The following INTS4 variants were observed in gnomAD, a reference collection of about 807,000 sequenced individuals.
INTS4 encodes the protein MSTP093.
Under a neutral mutation model 119.5 loss-of-function variants are expected in INTS4, and 70 were observed. The ratio of observed to expected loss-of-function variants is 0.59; its 90% confidence interval spans 0.48 to 0.71. The LOEUF is 0.71. Ranked by LOEUF, INTS4 falls within the 30% of genes least tolerant of loss-of-function variation. The probability of loss-of-function intolerance (pLI) is 0.00; values close to 1 mark genes in which losing one functional copy is unlikely to be tolerated. For synonymous variants in INTS4, 316 were observed against 419.6 expected (o/e 0.75, Z 3.02); for missense variants, 867 against 1,173.2 (o/e 0.74, Z 3.81).
At chr11:77,930,717 C>T (rs769720476) in intron 10 of INTS4, among the ~76,000 whole-genome samples, 3 of 152,126 alleles carry the variant, frequency 2.0e-5, no homozygotes, top group Non-Finnish European at 4.4e-5. Context: ...AGGTATGTCA[C>T]GCCTGTAATC....
At chr11:77,945,459 A>G (rs995993127) in intron 8 of INTS4, among the ~76,000 whole-genome samples, 4 of 152,166 alleles carry the variant, frequency 2.6e-5, no homozygotes, top group Non-Finnish European at 1.5e-5. Context: ...AGAACCCGCC[A>G]TCATTCTACC....
At chr11:77,916,176 C>T (rs563847635) in intron 15 of INTS4, among the ~76,000 whole-genome samples, 1 of 152,334 alleles carries the variant, frequency 6.6e-6, no homozygotes, top group East Asian at 1.9e-4. Context: ...GAGCAATAAA[C>T]TTGACTAAGA....
At chr11:77,945,300 T>C (rs1349304489) in intron 8 of INTS4, among the ~76,000 whole-genome samples, 1 of 151,964 alleles carries the variant, frequency 6.6e-6, no homozygotes, top group Non-Finnish European at 1.5e-5. Context: ...GTCTGGAGAG[T>C]AGCCAAGAGA....
At chr11:77,920,228 C>CACATATATATACACACATAT (rs1565244788) in intron 14 of INTS4, among the ~76,000 whole-genome samples, 3 of 15,180 alleles carry the variant, frequency 2.0e-4, no homozygotes, top group African/African-American at 2.1e-4. Flanking sequence ...TACACATATA[C>CACATATATATACACACATAT]ATACATATAT....
intron 8 of INTS4, among the ~76,000 whole-genome samples, 177 bp from the exon 9 acceptor site, chr11:77,941,428 A>T (rs1284260402): frequency 6.6e-6 from 1 of 151,740 alleles, no homozygotes. Context: ...CTAACACCTA[A>T]ATAGAGCTTA....
intron 1 of INTS4, among the ~76,000 whole-genome samples, chr11:77,991,556 A>G (rs1010434697): frequency 5.3e-5 from 8 of 151,406 alleles, no homozygotes; most frequent in Admixed American, 6.6e-5. Flanking sequence ...AAATAGGTAT[A>G]CTTTTTTTTT....
chr11:77,992,536 G>A (rs1480616223), intron 1 of INTS4, among the ~76,000 whole-genome samples: 3 of 152,094 alleles, frequency 2.0e-5, no homozygotes, highest in Non-Finnish European at 4.4e-5. Context: ...TCCTGTCTCT[G>A]TTAAAAAATA....
In INTS4 at chr11:77,919,595, T is replaced by G. The variant is rs186028956; in HGVS notation, c.1765-617A>C. On this transcript the variant is annotated intron_variant, in intron 14 of 22. Coordinates refer to ENST00000534064, the MANE Select transcript of INTS4 (RefSeq NM_033547.4). The stretch of plus-strand genomic sequence containing the variant: ...GCCACTGCACCCGGCCACATTTATC[T>G]TTAAAACACTATCTTATCTTTCACT... 4.6e-5 allele frequency among the ~76,000 whole-genome samples: 7 copies of G among 152,320 alleles called. No individual in the cohort carries two copies. The East Asian group carries it at 7.7e-4, about 17-fold the overall frequency.
intron 10 of INTS4, among the ~76,000 whole-genome samples, chr11:77,930,085 A>G (rs1218709560): frequency 6.6e-6 from 1 of 152,238 alleles, no homozygotes; most frequent in East Asian, 1.9e-4. Context: ...ACTAAGGGCT[A>G]GGATACAAAG....
intron 18 of INTS4, among the ~76,000 whole-genome samples, chr11:77,897,072 G>C (rs1952557114): frequency 6.6e-6 from 1 of 151,960 alleles, no homozygotes; most frequent in Non-Finnish European, 1.5e-5. Flanking sequence ...TGTGGCGGGG[G>C]TTGCCCAATA....
chr11:77,962,706 AT>A (rs934940722), intron 4 of INTS4, among the ~76,000 whole-genome samples: 1 of 151,440 alleles, frequency 6.6e-6, no homozygotes, highest in Non-Finnish European at 1.5e-5. Flanking sequence ...CTTGTATTTT[AT>A]TTTTTTTCAA....
chr11:77,875,062 G>GAAGCTGGCC (rs1256151393), downstream of INTS4, among the ~76,000 whole-genome samples: 2 of 150,374 alleles, frequency 1.3e-5, no homozygotes, highest in Non-Finnish European at 3.0e-5. Flanking sequence ...AAAAAGACAT[G>GAAGCTGGCC]AAGCTGGCCA....
chr11:77,901,593 G>T (rs1327100253), intron 17 of INTS4, 42 bp from the exon 18 acceptor site: 1 of 1,478,056 alleles, frequency 6.8e-7, no homozygotes, highest in Non-Finnish European at 9.5e-7. Context: ...AAATATCATA[G>T]TCTTACTTGA....
At chr11:77,892,145 T>C (rs1332521936) in intron 19 of INTS4, among the ~76,000 whole-genome samples, 2 of 152,224 alleles carry the variant, frequency 1.3e-5, no homozygotes, top group South Asian at 2.1e-4. Context: ...ATAGATTCAT[T>C]AATTATTTTA....
intron 2 of INTS4, among the ~76,000 whole-genome samples, chr11:77,982,445 C>A (rs1419483502): frequency 6.6e-6 from 1 of 152,040 alleles, no homozygotes; most frequent in Admixed American, 6.6e-5. Flanking sequence ...GCCCTACCTG[C>A]TTTTTTGAAT....
At chr11:77,926,376 A>G (rs542711407) in intron 11 of INTS4, among the ~76,000 whole-genome samples, 1 of 152,342 alleles carries the variant, frequency 6.6e-6, no homozygotes, top group South Asian at 2.1e-4. Flanking sequence ...AGTTATATAC[A>G]TAAGTACTCA....
At chr11:77,913,381 T>C (rs1272368909) in intron 15 of INTS4, among the ~76,000 whole-genome samples, 4 of 149,938 alleles carry the variant, frequency 2.7e-5, no homozygotes, top group African/African-American at 4.9e-5. Context: ...GCGTGATCTC[T>C]GCTCAGCACA....
intron 18 of INTS4, among the ~76,000 whole-genome samples, chr11:77,900,243 GT>G (rs1197930409): frequency 3.9e-5 from 6 of 151,958 alleles, no homozygotes; most frequent in Non-Finnish European, 8.8e-5. Context: ...GGGACTACTG[GT>G]GCATGCCACC....
intron 8 of INTS4, among the ~76,000 whole-genome samples, chr11:77,946,102 A>AGC: frequency 6.6e-6 from 1 of 152,356 alleles, no homozygotes; most frequent in East Asian, 1.9e-4. Context: ...CAGCCATTTT[A>AGC]GCCTGTACAT....
Sources: allele counts gnomAD v4.1 joint callset (sites outside exome capture counted in the v4.1 genomes callset), GRCh38; gene constraint gnomAD v4.1.1; transcripts MANE v1.5; gene names NCBI Gene and HGNC (gene_info 2026-07-23, HGNC 2026-07-21).